SLC10A7: variants seen among roughly 807,000 people sequenced by gnomAD.
The protein encoded by SLC10A7 is sodium/bile acid cotransporter 7.
A neutral mutation model predicts 43.2 loss-of-function variants in SLC10A7; 29 were observed. That is an observed-to-expected ratio of 0.67 (90% confidence interval 0.50 to 0.92). The LOEUF is 0.92. SLC10A7 is among the 40% of genes least tolerant of loss of function. SLC10A7 has a pLI of 0.00. For synonymous variants in SLC10A7, 152 were observed against 144.8 expected (o/e 1.05, Z -0.35); for missense variants, 295 against 403.2 (o/e 0.73, Z 2.30).
At chr4:146,475,140 C>A (rs957250122) in intron 4 of SLC10A7, among the ~76,000 whole-genome samples, 1 of 152,062 alleles carries the variant, frequency 6.6e-6, no homozygotes, top group African/African-American at 2.4e-5. Context: ...AAAATAGATG[C>A]CATTTTACTT....
chr4:146,511,466 A>T (rs1450929539), intron 2 of SLC10A7, among the ~76,000 whole-genome samples: 2 of 152,186 alleles, frequency 1.3e-5, no homozygotes, highest in African/African-American at 4.8e-5. Context: ...TGTTCAAGAG[A>T]TCCTCAGCCT....
chr4:146,325,680 C>T (rs764402688), intron 6 of SLC10A7, among the ~76,000 whole-genome samples: 1 of 152,072 alleles, frequency 6.6e-6, no homozygotes, highest in African/African-American at 2.4e-5. Flanking sequence ...TAAAGAGCAG[C>T]GCAGTTTTTG....
At chr4:146,476,571 C>T (rs1734048122) in intron 4 of SLC10A7, among the ~76,000 whole-genome samples, 1 of 151,982 alleles carries the variant, frequency 6.6e-6, no homozygotes, top group South Asian at 2.1e-4. Context: ...AGAGGAGAAA[C>T]GTAAACAGCA....
chr4:146,509,700 G>T (rs896935352), intron 3 of SLC10A7, among the ~76,000 whole-genome samples: 1 of 152,114 alleles, frequency 6.6e-6, no homozygotes, highest in Non-Finnish European at 1.5e-5. Context: ...AAAACCACAG[G>T]ATGAAGCATG....
At position 146,516,279 on chromosome 4, in the gene SLC10A7, T is replaced by A. The variant is rs374765297; in HGVS notation, c.183+759A>T. 9.6e-4 allele frequency among the ~76,000 whole-genome samples: 146 copies of A among 152,012 alleles called. 1 individual carries two copies. Among genetic ancestry groups the A allele is most frequent in the African/African-American group, 3.4e-3 (139 of 41,490 alleles). On this transcript the variant is annotated intron_variant, in intron 2 of 11. Coordinates refer to ENST00000335472, the MANE Select transcript of SLC10A7 (RefSeq NM_001029998.6). ...TAAGTTAAAAGAGAATCATAAATTC[T>A]ACTCATTCCTCTATCACACGTAAAT...
chr4:146,475,734 T>C (rs1733965158), intron 4 of SLC10A7, among the ~76,000 whole-genome samples: 1 of 151,724 alleles, frequency 6.6e-6, no homozygotes, highest in South Asian at 2.1e-4. Flanking sequence ...ATCAAACAAG[T>C]AAAAAAAATA....
intron 4 of SLC10A7, among the ~76,000 whole-genome samples, chr4:146,495,705 C>T (rs1404157516): frequency 1.3e-5 from 2 of 151,222 alleles, no homozygotes; most frequent in Non-Finnish European, 2.9e-5. Flanking sequence ...TTTCTTTGCT[C>T]AGGAGACATT....
chr4:146,515,062 G>C, intron 2 of SLC10A7: 1 of 698,662 alleles, frequency 1.4e-6, no homozygotes, highest in Non-Finnish European at 2.6e-6. Flanking sequence ...TCAGTCCTTA[G>C]AGAAATGCTG....
intron 5 of SLC10A7, among the ~76,000 whole-genome samples, chr4:146,411,089 A>G (rs1353589577): frequency 6.6e-6 from 1 of 151,764 alleles, no homozygotes; most frequent in East Asian, 1.9e-4. Context: ...CCTGCTCTGG[A>G]CTCCCAAAGT....
At position 146,480,040 on chromosome 4, in the gene SLC10A7, T is replaced by G. The variant is rs553541614; in HGVS notation, c.396+23809A>C. Among the ~76,000 whole-genome samples the G allele has an allele frequency of 7.2e-5, 11 of 152,252 alleles. 1 individual carries two copies. The highest frequency in any genetic ancestry group is 2.6e-4 in the African/African-American group (11 of 41,552). ...CCCCTAGATGTCTGACTTTTGTACA[T>G]AGTATAAGGCATACTGCAGCTAAAT... is the stretch of plus-strand genomic sequence containing the variant. On this transcript the variant is annotated intron_variant, in intron 4 of 11. Coordinates refer to ENST00000335472, the MANE Select transcript of SLC10A7 (RefSeq NM_001029998.6).
chr4:146,262,625 T>G (rs1250254168), intron 10 of SLC10A7, among the ~76,000 whole-genome samples: 1 of 152,220 alleles, frequency 6.6e-6, no homozygotes, highest in Non-Finnish European at 1.5e-5. Flanking sequence ...TTAGAACTCA[T>G]GTAACTGATC....
At chr4:146,371,196 G>C (rs1230352452) in intron 5 of SLC10A7, among the ~76,000 whole-genome samples, 1 of 152,210 alleles carries the variant, frequency 6.6e-6, no homozygotes, top group African/African-American at 2.4e-5. Flanking sequence ...GAGCTAGATA[G>C]ATTAGGGTTC....
At chr4:146,264,043 C>A (rs1428469834) in intron 10 of SLC10A7, among the ~76,000 whole-genome samples, 1 of 152,188 alleles carries the variant, frequency 6.6e-6, no homozygotes, top group Non-Finnish European at 1.5e-5. Context: ...TTTGACACTG[C>A]AGCATATTCC....
intron 5 of SLC10A7, among the ~76,000 whole-genome samples, chr4:146,331,370 T>C (rs372055466): frequency 6.6e-6 from 1 of 152,236 alleles, no homozygotes; most frequent in African/African-American, 2.4e-5. Context: ...TATAAAAGTA[T>C]ATGTTAACTT....
intron 5 of SLC10A7, among the ~76,000 whole-genome samples, chr4:146,429,133 T>A (rs1056822578): frequency 6.6e-6 from 1 of 152,142 alleles, no homozygotes; most frequent in African/African-American, 2.4e-5. Context: ...AATATAAATT[T>A]CTTATGGCTA....
At chr4:146,392,516 C>T (rs995334520) in intron 5 of SLC10A7, among the ~76,000 whole-genome samples, 4 of 152,112 alleles carry the variant, frequency 2.6e-5, no homozygotes, top group African/African-American at 9.7e-5. Context: ...AATACACACA[C>T]ACACTCACTC....
At chr4:146,442,710 T>C in intron 5 of SLC10A7, 73 bp downstream of exon 5, 2 of 1,573,350 alleles carry the variant, frequency 1.3e-6, no homozygotes, top group Non-Finnish European at 1.7e-6. Flanking sequence ...CAAATCCAGC[T>C]TTCACTAAAT....
intron 4 of SLC10A7, among the ~76,000 whole-genome samples, chr4:146,459,634 A>T (rs1421372188): frequency 6.6e-6 from 1 of 151,348 alleles, no homozygotes; most frequent in Non-Finnish European, 1.5e-5. Flanking sequence ...AAAACGAAAA[A>T]CTCTGATGCT....
chr4:146,280,193 C>T (rs1210351094), intron 10 of SLC10A7, among the ~76,000 whole-genome samples: 1 of 151,966 alleles, frequency 6.6e-6, no homozygotes, highest in East Asian at 1.9e-4. Flanking sequence ...TATATACACA[C>T]ACATATATAA....
Sources: gnomAD v4.1 joint callset for allele counts (sites outside exome capture counted in the v4.1 genomes callset) on GRCh38, gnomAD v4.1.1 for gene constraint, MANE v1.5 for transcripts, NCBI Gene and HGNC (gene_info 2026-07-23, HGNC 2026-07-21) for gene names.